The following IQCH variants were observed in gnomAD, a reference collection of about 807,000 sequenced individuals.
The protein encoded by IQCH is IQ motif containing H.
In IQCH, 98 loss-of-function variants were observed where a neutral mutation model predicts 117.0. That is an observed-to-expected ratio of 0.84 (90% CI 0.71 to 0.99). IQCH has a LOEUF of 0.99. Among genes scored for constraint, IQCH ranks in the 50% least tolerant of loss-of-function variants. IQCH has a pLI of 0.00. For synonymous variants in IQCH, 412 were observed against 448.2 expected, an observed-to-expected ratio of 0.92 and a Z score of 1.02; for missense variants, 1,102 against 1,243.8, an observed-to-expected ratio of 0.89 and a Z score of 1.72.
Position 67,458,617 on chromosome 15 carries a change from T to TG in IQCH, c.2506-6508dup, listed in dbSNP as rs1455814469. Among the ~76,000 whole-genome samples, 3 of 152,354 alleles carry TG rather than the reference T, an allele frequency of 2.0e-5. No homozygotes were observed. The highest frequency in any genetic ancestry group is 1.3e-4 in the Admixed American group (2 of 15,296). On this transcript the variant is annotated intron_variant, in intron 16 of 20. Transcript: ENST00000335894. The surrounding 1 kb of genome is among the most constrained non-coding windows in gnomAD (Gnocchi z 4.1). Reference sequence around the variant, plus strand: ...CAGCTGTAAAAAGGAAATAAGCCCTTGGCTCTGTACCTAGCCAAACCAGTA... The same window carrying TG: ...CAGCTGTAAAAAGGAAATAAGCCCTTGGGCTCTGTACCTAGCCAAACCAGTA...
intron 4 of IQCH, chr15:67,307,344 C>G (rs1378775336): frequency 5.6e-6 from 1 of 178,574 alleles, no homozygotes; most frequent in Non-Finnish European, 1.1e-5. Context: ...CCACACTTCA[C>G]AAATCATAGT....
intron 4 of IQCH, among the ~76,000 whole-genome samples, chr15:67,283,783 C>G (rs911051687): frequency 6.6e-6 from 1 of 152,060 alleles, no homozygotes; most frequent in Non-Finnish European, 1.5e-5. Context: ...TTATTATGTT[C>G]CTATCATACT....
chr15:67,373,744 ATCT>A, intron 10 of IQCH: 1 of 448,240 alleles, frequency 2.2e-6, no homozygotes, highest in Non-Finnish European at 4.0e-6. Flanking sequence ...AATGTTTTCG[ATCT>A]TCTTTAATGA....
In IQCH at chr15:67,431,133, A is replaced by T. The variant is rs1275290782; in HGVS notation, c.2505+9556A>T. Among the ~76,000 whole-genome samples the T allele has an allele frequency of 6.6e-6, 1 of 151,992 alleles. No individual in the cohort carries two copies. Among genetic ancestry groups the T allele is most frequent in the Non-Finnish European group, 1.5e-5 (1 of 67,994 alleles). ...AGAGTGGTGGGAAAAAGCACAGAAC[A>T]CATATGGATAAAAATGATGATCTAA... On this transcript the variant is annotated intron_variant, in intron 16 of 20. Coordinates refer to ENST00000335894, the MANE Select transcript of IQCH (RefSeq NM_001031715.3). This position sits in a 1 kb window ranked among gnomAD's most constrained non-coding sequence, Gnocchi z 4.8.
intron 12 of IQCH, among the ~76,000 whole-genome samples, chr15:67,389,562 AAATTCATGG>A: frequency 6.6e-6 from 1 of 152,246 alleles, no homozygotes; most frequent in African/African-American, 2.4e-5. Flanking sequence ...AACCATTGGG[AAATTCATGG>A]AATGATAAAG....
At chr15:67,488,576 G>T (rs893741635) in intron 18 of IQCH, among the ~76,000 whole-genome samples, 2 of 152,196 alleles carry the variant, frequency 1.3e-5, no homozygotes, top group Non-Finnish European at 2.9e-5. Flanking sequence ...TGATAAGGCA[G>T]CAGGGAGTGC....
chr15:67,483,488 G>A (rs2083392119), intron 18 of IQCH, among the ~76,000 whole-genome samples: 1 of 152,238 alleles, frequency 6.6e-6, no homozygotes, highest in Non-Finnish European at 1.5e-5. Flanking sequence ...CTGCGCTCCA[G>A]CCTGGGTGAG....
rs566582944 is a variant in IQCH, at chr15:67,496,187, C to T, written c.2970+1821C>T. 2.0e-5 allele frequency among the ~76,000 whole-genome samples: 3 copies of T among 151,898 alleles called. No homozygotes were observed. The highest frequency in any genetic ancestry group is 4.8e-5 in the African/African-American group (2 of 41,422). ...CAAAAATTAGCCAGGTGTGGTGGCT[C>T]ATGCCTGTAGTCCCAGCTACTTGGG... is the stretch of plus-strand genomic sequence containing the variant. On this transcript the variant is annotated intron_variant, in intron 20 of 20. Transcript: ENST00000335894. This position sits in a 1 kb window ranked among gnomAD's most constrained non-coding sequence, Gnocchi z 4.4.
At chr15:67,442,954 TAAC>T (rs2082314453) in intron 16 of IQCH, among the ~76,000 whole-genome samples, 2 of 151,266 alleles carry the variant, frequency 1.3e-5, no homozygotes, top group Admixed American at 1.3e-4. Context: ...AGGAATGAAT[TAAC>T]AGCATTTGTA....
chr15:67,301,127 A>C (rs1192269704), intron 4 of IQCH, among the ~76,000 whole-genome samples: 2 of 152,176 alleles, frequency 1.3e-5, no homozygotes, highest in Non-Finnish European at 2.9e-5. Flanking sequence ...TGACCAATTT[A>C]CTAAAAATTT....
rs185591213 is a variant in IQCH at position 67,390,299 on chromosome 15, G to A, written c.1632+1293G>A. On this transcript the variant is annotated intron_variant, in intron 12 of 20. Transcript: ENST00000335894. The surrounding 1 kb of genome is among the most constrained non-coding windows in gnomAD (Gnocchi z 5.0). ...CAAGGAAGAAAAAGAACTACCATTA[G>A]TGTTTAGTTAAATTCCTGATTTTCT... Among the ~76,000 whole-genome samples, 132 of 152,192 alleles carry A rather than the reference G, an allele frequency of 8.7e-4. No homozygotes were observed. The highest frequency in any genetic ancestry group is 3.1e-3 in the African/African-American group (128 of 41,526).
intron 12 of IQCH, among the ~76,000 whole-genome samples, chr15:67,394,180 T>A (rs1971381316): frequency 6.6e-6 from 1 of 152,180 alleles, no homozygotes; most frequent in Non-Finnish European, 1.5e-5. Context: ...CCCATGCCCA[T>A]CTTCACCTGA....
intron 18 of IQCH, among the ~76,000 whole-genome samples, chr15:67,486,996 C>A (rs1231548029): frequency 6.6e-6 from 1 of 152,122 alleles, no homozygotes; most frequent in African/African-American, 2.4e-5. Flanking sequence ...TGGTTCTCAA[C>A]CCTAGATGCC....
At chr15:67,450,732 C>A (rs1339438246) in intron 16 of IQCH, among the ~76,000 whole-genome samples, 4 of 152,274 alleles carry the variant, frequency 2.6e-5, no homozygotes, top group Admixed American at 2.6e-4. Flanking sequence ...ATGATGCTGG[C>A]CTCATAAAAT....
rs1469403177 is a variant in IQCH, at chr15:67,387,812, A to C, written c.1457-1019A>C. ...AATGAATGCTTAGAAAGGTTAAATAACTAGAATTTAATTCAGTCTATGCTC... is the reference window on the plus strand; with the variant it reads ...AATGAATGCTTAGAAAGGTTAAATACCTAGAATTTAATTCAGTCTATGCTC... On this transcript the variant is annotated intron_variant, in intron 11 of 20. Transcript: ENST00000335894. This position sits in a 1 kb window ranked among gnomAD's most constrained non-coding sequence, Gnocchi z 4.8. Among the ~76,000 whole-genome samples, 1 of 152,208 alleles carries C rather than the reference A, an allele frequency of 6.6e-6. No individual in the cohort carries two copies. Among genetic ancestry groups the C allele is most frequent in the Non-Finnish European group, 1.5e-5 (1 of 68,026 alleles).
chr15:67,415,101 G>A (rs2081544677), intron 14 of IQCH, among the ~76,000 whole-genome samples: 2 of 152,124 alleles, frequency 1.3e-5, no homozygotes, highest in South Asian at 4.1e-4. Flanking sequence ...TGGATTTGGG[G>A]GACTGTTCAG....
At chr15:67,421,891 A>G (rs1165982166) in intron 16 of IQCH, among the ~76,000 whole-genome samples, 11 of 152,114 alleles carry the variant, frequency 7.2e-5, no homozygotes, top group African/African-American at 2.7e-4. Context: ...TTGAGCTCAG[A>G]AGTTCAAGAG....
At chr15:67,332,591 T>A (rs1414509249) in intron 4 of IQCH, among the ~76,000 whole-genome samples, 1 of 152,180 alleles carries the variant, frequency 6.6e-6, no homozygotes, top group African/African-American at 2.4e-5. Flanking sequence ...CCCATTTATA[T>A]GTAGAGCTAA....
In IQCH at chr15:67,386,438, G is replaced by C. The variant is rs1971109615; in HGVS notation, c.1456+1419G>C. Among the ~76,000 whole-genome samples, 1 of 152,108 alleles carries C rather than the reference G, an allele frequency of 6.6e-6. No homozygotes were observed. Among genetic ancestry groups the C allele is most frequent in the Non-Finnish European group, 1.5e-5 (1 of 68,022 alleles). On this transcript the variant is annotated intron_variant, in intron 11 of 20. Coordinates refer to ENST00000335894, the MANE Select transcript of IQCH (RefSeq NM_001031715.3). This position sits in a 1 kb window ranked among gnomAD's most constrained non-coding sequence, Gnocchi z 5.0. ...TTTTTTCTTGGTATATAGTCTTCAT[G>C]ATATAGCAAGGCAATCATAAAAAGT...
Sources: allele counts gnomAD v4.1 joint callset (sites outside exome capture counted in the v4.1 genomes callset), GRCh38; gene constraint gnomAD v4.1.1; non-coding constraint Gnocchi (gnomAD v3.1); transcripts MANE v1.5; gene names NCBI Gene and HGNC (gene_info 2026-07-23, HGNC 2026-07-21).